Variants in PCDHGA2 observed in about 807,000 individuals in gnomAD.
PCDHGA2 encodes protocadherin gamma-A2.
In PCDHGA2, 40 loss-of-function variants were observed where a neutral mutation model predicts 59.2. The observed-to-expected ratio is 0.68, with a 90% CI of 0.52 to 0.88. PCDHGA2 has a LOEUF of 0.88. Among genes scored for constraint, PCDHGA2 ranks in the 40% least tolerant of loss-of-function variants. PCDHGA2 has a pLI of 0.00. For missense variants in PCDHGA2, 1,226 were observed against 1,204.0 expected, an observed-to-expected ratio of 1.02 and a Z score of -0.27; for synonymous variants, 560 against 526.0, an observed-to-expected ratio of 1.06 and a Z score of -0.89.
At position 141,512,903 on chromosome 5, in the gene PCDHGA2, CAA is replaced by C. The variant is rs2099884494; in HGVS notation, c.*1731_*1732del. The C allele has an allele frequency of 6.6e-6, 1 of 152,224 alleles. No individual in the cohort carries two copies. Among genetic ancestry groups the C allele is most frequent in the African/African-American group, 2.4e-5 (1 of 41,452 alleles). 9.4% of individuals were successfully genotyped at this position (152,224 alleles called of 1,614,324 possible). On this transcript the variant is annotated 3_prime_UTR_variant, in exon 4 of 4. Transcript: ENST00000394576. ...CCCCACCCTCTTCCTGTGTCTCACG[CAA>C]GTTTTATACTCTAATATTTATATGG...
At chr5:141,369,250 A>G (rs536586980) in intron 1 of PCDHGA2, among the ~76,000 whole-genome samples, 86 of 152,320 alleles carry the variant, frequency 5.6e-4, no homozygotes, top group African/African-American at 2.0e-3. Context: ...ATAATTAAAT[A>G]ATATAATTAT....
At chr5:141,389,755 T>G in intron 1 of PCDHGA2, 2 of 1,612,872 alleles carry the variant, frequency 1.2e-6, no homozygotes, top group Non-Finnish European at 1.7e-6. Flanking sequence ...ACGGGCGAAG[T>G]GCGCACAGCG....
In PCDHGA2 at chr5:141,432,688, A is replaced by T; in HGVS notation, c.2425-62119A>T. 1 of 1,613,896 alleles carries T rather than the reference A, an allele frequency of 6.2e-7. No homozygotes were observed. The highest frequency in any genetic ancestry group is 1.1e-5 in the South Asian group (1 of 91,078). ...GAGACGCGCTCAAGCAGAGCCTCGTAGTGGCCGTCCAGGACCACGGCCAGC... is the reference window on the plus strand; with the variant it reads ...GAGACGCGCTCAAGCAGAGCCTCGTTGTGGCCGTCCAGGACCACGGCCAGC... On this transcript the variant is annotated intron_variant, in intron 1 of 3. Transcript: ENST00000394576. This position sits in a 1 kb window ranked among gnomAD's most constrained non-coding sequence, Gnocchi z 6.0.
In PCDHGA2 at chr5:141,489,610, C is replaced by A; in HGVS notation, c.2425-5197C>A. 6.2e-7 allele frequency: 1 copy of A among 1,614,090 alleles called. No individual in the cohort carries two copies. Among genetic ancestry groups the A allele is most frequent in the Non-Finnish European group, 8.5e-7 (1 of 1,179,990 alleles). ...GCTAATCCGTGTAGAGGTAGAGATCCTGGATCTCAATGACAACTCTCCTAG... is the reference window on the plus strand; with the variant it reads ...GCTAATCCGTGTAGAGGTAGAGATCATGGATCTCAATGACAACTCTCCTAG... On this transcript the variant is annotated intron_variant, in intron 1 of 3. Transcript: ENST00000394576. The surrounding 1 kb of genome is among the most constrained non-coding windows in gnomAD (Gnocchi z 4.5).
At chr5:141,356,719 A>G (rs373889341) in intron 1 of PCDHGA2, 4 of 1,613,854 alleles carry the variant, frequency 2.5e-6, no homozygotes, top group Non-Finnish European at 3.4e-6. Context: ...CTATGTCTCC[A>G]TCAACTCCAA....
intron 1 of PCDHGA2, among the ~76,000 whole-genome samples, chr5:141,386,717 A>G (rs2090680763): frequency 6.6e-6 from 1 of 152,214 alleles, no homozygotes; most frequent in South Asian, 2.1e-4. Flanking sequence ...TGCTGACACC[A>G]ACAATGTTAC....
In PCDHGA2 at chr5:141,374,128, G is replaced by T. The variant is rs376765941; in HGVS notation, c.2424+32733G>T. Reference sequence around the variant, plus strand: ...ATCCGCAGCGCAGCGAGCAGGTCCTGCTCCTCACGCTCCTGGGGACGCTGT... The same window carrying T: ...ATCCGCAGCGCAGCGAGCAGGTCCTTCTCCTCACGCTCCTGGGGACGCTGT... On this transcript the variant is annotated intron_variant, in intron 1 of 3. Coordinates refer to ENST00000394576, the MANE Select transcript of PCDHGA2 (RefSeq NM_018915.4). The T allele has an allele frequency of 4.4e-6, 7 of 1,603,372 alleles. No homozygotes were observed. The African/African-American group carries it at 8.0e-5, about 18-fold the overall frequency.
At chr5:141,390,024 CG>C (rs1561629846) in intron 1 of PCDHGA2, 1 of 1,614,044 alleles carries the variant, frequency 6.2e-7, no homozygotes, top group African/African-American at 1.3e-5. Context: ...CTTGCGCCTG[CG>C]ACGCTCCTCC....
chr5:141,372,906 C>A, intron 1 of PCDHGA2: 1 of 1,079,660 alleles, frequency 9.3e-7, no homozygotes, highest in Non-Finnish European at 1.3e-6. Context: ...TCCCTGATTA[C>A]ATTATTTTAT....
rs186060216 is a variant in PCDHGA2, at chr5:141,344,384, T to C, written c.2424+2989T>C. The C allele has an allele frequency of 5.3e-5, 86 of 1,612,814 alleles. No individual in the cohort carries two copies. The African/African-American group carries it at 1.1e-3, about 20-fold the overall frequency. On this transcript the variant is annotated intron_variant, in intron 1 of 3. Coordinates refer to ENST00000394576, the MANE Select transcript of PCDHGA2 (RefSeq NM_018915.4). Reference sequence around the variant, plus strand: ...TGGTTGAGGATAAATTGAAAATTTTTGAAGTAGAAATAGAAATTAAAGATA... The same window carrying C: ...TGGTTGAGGATAAATTGAAAATTTTCGAAGTAGAAATAGAAATTAAAGATA...
At chr5:141,371,368 G>A in intron 1 of PCDHGA2, 1 of 1,613,970 alleles carries the variant, frequency 6.2e-7, no homozygotes, top group South Asian at 1.1e-5. Flanking sequence ...AAGGATGGTG[G>A]ACATCACACT....
In PCDHGA2 at chr5:141,383,069, G is replaced by T; in HGVS notation, c.2424+41674G>T. ...GCCAAGGACCTGGGGCTGGAGCCCC[G>T]GGAGCTGGCGGAGCGCGGAGTCCGC... On this transcript the variant is annotated intron_variant, in intron 1 of 3. Coordinates refer to ENST00000394576, the MANE Select transcript of PCDHGA2 (RefSeq NM_018915.4). The T allele has an allele frequency of 6.2e-7, 1 of 1,613,886 alleles. No homozygotes were observed. The highest frequency in any genetic ancestry group is 8.5e-7 in the Non-Finnish European group (1 of 1,179,902).
At chr5:141,353,932 T>C (rs1212162899) in intron 1 of PCDHGA2, among the ~76,000 whole-genome samples, 2 of 152,254 alleles carry the variant, frequency 1.3e-5, no homozygotes, top group Non-Finnish European at 2.9e-5. Context: ...TCATTTCTAC[T>C]GCTAATTGTT....
intron 1 of PCDHGA2, chr5:141,355,894 C>T (rs767316640): frequency 6.2e-7 from 1 of 1,613,656 alleles, no homozygotes; most frequent in South Asian, 1.1e-5. Context: ...TCTCATAATA[C>T]TTGTGGATAC....
chr5:141,389,491 G>C, intron 1 of PCDHGA2: 1 of 1,612,994 alleles, frequency 6.2e-7, no homozygotes, highest in Non-Finnish European at 8.5e-7. Context: ...CGCGACCAGG[G>C]CTCGCCAGCG....
At chr5:141,447,938 T>G in intron 1 of PCDHGA2, among the ~76,000 whole-genome samples, 1 of 151,870 alleles carries the variant, frequency 6.6e-6, no homozygotes, top group Admixed American at 6.6e-5. Flanking sequence ...ATACAAAAAT[T>G]AGCTGGGCAT....
chr5:141,495,430 C>T (rs1189953474), intron 2 of PCDHGA2, among the ~76,000 whole-genome samples: 3 of 152,220 alleles, frequency 2.0e-5, no homozygotes, highest in Admixed American at 2.0e-4. Context: ...TCCCACTGTC[C>T]TCTGCCCCTA....
At position 141,477,830 on chromosome 5, in the gene PCDHGA2, C is replaced by T; in HGVS notation, c.2425-16977C>T. ...TGCCCCCCAGGTCCTATATCCTCGG[C>T]CAGGTGGGAGCTCGGTGGAGATGCT... is the stretch of plus-strand genomic sequence containing the variant. On this transcript the variant is annotated intron_variant, in intron 1 of 3. Transcript: ENST00000394576. The surrounding 1 kb of genome is among the most constrained non-coding windows in gnomAD (Gnocchi z 4.9). 1 of 1,614,170 alleles carries T rather than the reference C, an allele frequency of 6.2e-7. No individual in the cohort carries two copies. Among genetic ancestry groups the T allele is most frequent in the Non-Finnish European group, 8.5e-7 (1 of 1,180,038 alleles).
intron 1 of PCDHGA2, chr5:141,371,738 C>G (rs765693064): frequency 6.2e-7 from 1 of 1,614,052 alleles, no homozygotes. Flanking sequence ...TCAACGACAA[C>G]GTTCCCGTTT....
Sources: gnomAD v4.1 joint callset for allele counts (sites outside exome capture counted in the v4.1 genomes callset) on GRCh38, gnomAD v4.1.1 for gene constraint, Gnocchi (gnomAD v3.1) non-coding constraint, MANE v1.5 for transcripts, NCBI Gene and HGNC (gene_info 2026-07-23, HGNC 2026-07-21) for gene names.